Variants in KMT2E observed in about 807,000 individuals in gnomAD.
KMT2E encodes the protein histone reader KMT2E.
Under a neutral mutation model 184.6 loss-of-function variants are expected in KMT2E, and 30 were observed. The observed-to-expected ratio is 0.16, with a 90% confidence interval of 0.12 to 0.22. The LOEUF (loss-of-function observed/expected upper bound fraction) is 0.22. Among genes scored for constraint, KMT2E ranks in the 10% least tolerant of loss-of-function variants. KMT2E has a pLI of 1.00. For synonymous variants in KMT2E, 815 were observed against 776.5 expected, an observed-to-expected ratio of 1.05 and a Z score of -0.82; for missense variants, 2,023 against 2,237.4, an observed-to-expected ratio of 0.90 and a Z score of 1.93.
At chr7:105,049,900 TAAAGAAA>T (rs1253889065) in intron 3 of KMT2E, among the ~76,000 whole-genome samples, 1 of 151,818 alleles carries the variant, frequency 6.6e-6, no homozygotes, top group Non-Finnish European at 1.5e-5. Context: ...TCAAAAAAGA[TAAAGAAA>T]AAAGAAAAAT....
At position 105,077,188 on chromosome 7, in the gene KMT2E, G is replaced by A. The variant is rs561327721; in HGVS notation, c.994G>A (p.Val332Ile). Residue 332 changes from valine to isoleucine, a missense_variant, in exon 10 of 27, where the codon GTA becomes ATA. Physicochemically the swap from Val to Ile is conservative, Grantham distance 29. This residue lies in a region of KMT2E where 191 missense variants were observed against 209.0 expected (regional missense o/e 0.91). Transcript: ENST00000311117. ...CAACAATTTGCTCTTCAAACCTCCT[G>A]TAGAGGTAAATACATCATTTGTCCA... ...NTNNLLFKPP[V>I]ESHIQKNKKI... 3 of 1,612,326 alleles carry A rather than the reference G, an allele frequency of 1.9e-6. No homozygotes were observed. The highest frequency in any genetic ancestry group is 2.2e-5 in the East Asian group (1 of 44,804).
chr7:105,055,554 A>G (rs1379196811), intron 3 of KMT2E, among the ~76,000 whole-genome samples: 3 of 152,230 alleles, frequency 2.0e-5, no homozygotes, highest in African/African-American at 7.2e-5. Flanking sequence ...ATTAAAATGT[A>G]GATTTCTAAG....
At chr7:105,044,466 G>C (rs1179576403) in intron 3 of KMT2E, among the ~76,000 whole-genome samples, 1 of 152,162 alleles carries the variant, frequency 6.6e-6, no homozygotes, top group Non-Finnish European at 1.5e-5. Flanking sequence ...TGGGCACTGA[G>C]ACCCCAGAGT....
At position 105,113,363 on chromosome 7, in the gene KMT2E, T is replaced by G. The variant is rs1402892630; in HGVS notation, c.*30T>G. The G allele has an allele frequency of 1.9e-6, 3 of 1,582,900 alleles. No homozygotes were observed. In the Admixed American group the frequency reaches 5.2e-5, roughly 28 times the overall value. ...GACTCCAAAAACATTTTTTTAAATG[T>G]TCTGTAAGATAAACTGTATATTTCA... On this transcript the variant is annotated 3_prime_UTR_variant, in exon 27 of 27. Transcript: ENST00000311117.
At chr7:105,066,582 C>G in intron 5 of KMT2E, 145 bp from the exon 6 acceptor site, 1 of 564,436 alleles carries the variant, frequency 1.8e-6, no homozygotes, top group Non-Finnish European at 3.1e-6. Context: ...CTTGAAGACA[C>G]GTTTCTATGA....
chr7:105,073,557 C>T, intron 6 of KMT2E, 62 bp from the exon 7 acceptor site: 3 of 1,002,392 alleles, frequency 3.0e-6, no homozygotes, highest in Non-Finnish European at 3.0e-6. Context: ...AAAAGTTTAT[C>T]ACATTTAAGA....
At chr7:105,106,887 G>T (rs544259879) in intron 20 of KMT2E, 115 bp downstream of exon 20, 1 of 1,061,630 alleles carries the variant, frequency 9.4e-7, no homozygotes, top group South Asian at 1.6e-5. Context: ...AAAAAAGGTT[G>T]TAAGAAACTA....
Position 105,054,446 on chromosome 7 carries a change from C to CTCTGTCTGTCTA in KMT2E, c.72-7707_72-7706insATCTGTCTGTCT, listed in dbSNP as rs1295114305. 6.6e-4 allele frequency among the ~76,000 whole-genome samples: 71 copies of CTCTGTCTGTCTA among 107,590 alleles called. 2 individuals are homozygous for CTCTGTCTGTCTA. The highest frequency in any genetic ancestry group is 4.3e-3 in the Middle Eastern group (1 of 232). The allele number at this position is 107,590 out of a possible 152,430, so 70.6% of individuals were successfully genotyped here. A position where few individuals can be genotyped will look rare whatever the true frequency, so the allele number is the denominator to read the frequency against. ...AATTATTTGTTGTAAAAGCAAGTTGCTCTGTCTGTCTGTCTATCTATCTAT... is the reference window on the plus strand; with the variant it reads ...AATTATTTGTTGTAAAAGCAAGTTGCTCTGTCTGTCTATCTGTCTGTCTGTCTATCTATCTAT... On this transcript the variant is annotated intron_variant, in intron 3 of 26. Transcript: ENST00000311117.
chr7:105,082,366 C>G (rs1237733439), intron 13 of KMT2E, among the ~76,000 whole-genome samples: 1 of 152,188 alleles, frequency 6.6e-6, no homozygotes, highest in Non-Finnish European at 1.5e-5. Flanking sequence ...TTTTGACTCC[C>G]CAGAAACTTT....
At position 105,090,035 on chromosome 7, in the gene KMT2E, T is replaced by G; in HGVS notation, c.1385T>G (p.Leu462Arg). The G allele has an allele frequency of 1.2e-6, 2 of 1,613,216 alleles. No individual in the cohort carries two copies. Among genetic ancestry groups the G allele is most frequent in the Non-Finnish European group, 1.7e-6 (2 of 1,179,742 alleles). Residue 462 changes from leucine to arginine, a missense_variant, in exon 14 of 27, where the codon CTC (leucine) becomes CGC (arginine). Leu to Arg is a moderately radical substitution (Grantham distance 102). Transcript: ENST00000311117. ...NCKYKVDCAC[L>R]KENPECPVLK... ...AAGTACAAGGTGGACTGTGCATGCC[T>G]CAAAGAAAACCCAGAGTGCCCTGTT...
chr7:105,064,164 GTT>G (rs66946883), intron 5 of KMT2E: 3,145 of 75,892 alleles, frequency 0.041, 2 homozygotes, highest in South Asian at 0.089. Context: ...TTTTTTCTTG[GTT>G]TTTTTTTTTT....
intron 1 of KMT2E, among the ~76,000 whole-genome samples, chr7:105,035,814 C>T (rs1437735374): frequency 2.0e-5 from 3 of 152,142 alleles, no homozygotes; most frequent in Non-Finnish European, 4.4e-5. Context: ...CCACCTTGGC[C>T]TCCCAAAGTG....
intron 6 of KMT2E, among the ~76,000 whole-genome samples, chr7:105,068,760 C>T (rs1237158792): frequency 6.6e-6 from 1 of 151,486 alleles, no homozygotes; most frequent in African/African-American, 2.4e-5. Flanking sequence ...CAGGCGAGAG[C>T]CACCTTGCCC....
At chr7:105,028,225 G>A (rs998247947) in intron 1 of KMT2E, among the ~76,000 whole-genome samples, 1 of 151,370 alleles carries the variant, frequency 6.6e-6, no homozygotes, top group African/African-American at 2.4e-5. Context: ...CTGGAGTGCA[G>A]TGGTGTGATC....
chr7:105,105,356 C>A (rs1430622007), intron 17 of KMT2E, 83 bp from the exon 18 acceptor site: 2 of 1,012,314 alleles, frequency 2.0e-6, no homozygotes, highest in Non-Finnish European at 2.9e-6. Context: ...AGATAATACA[C>A]CAATTTCAAA....
chr7:105,097,934 G>A (rs578060720), intron 15 of KMT2E, among the ~76,000 whole-genome samples: 26 of 152,226 alleles, frequency 1.7e-4, no homozygotes, highest in Middle Eastern at 3.4e-3. Flanking sequence ...AAAAGCTTTC[G>A]TAGAGAATGG....
Position 105,113,489 on chromosome 7 carries a change from A to AT in KMT2E, c.*158dup. 1.2e-6 allele frequency: 1 copy of AT among 837,974 alleles called. No individual in the cohort carries two copies. The highest frequency in any genetic ancestry group is 1.7e-6 in the Non-Finnish European group (1 of 573,204). 51.9% of individuals were successfully genotyped at this position (837,974 alleles called of 1,614,324 possible). On this transcript the variant is annotated 3_prime_UTR_variant, in exon 27 of 27. Coordinates refer to ENST00000311117, the MANE Select transcript of KMT2E (RefSeq NM_182931.3). ...ATTTTTCTCATTTTTGCTTTTTAAA[A>AT]TTCCTTTAAAAAATGTGCTGTTAAG...
chr7:105,017,880 C>G (rs992462265), intron 1 of KMT2E, among the ~76,000 whole-genome samples: 2 of 151,976 alleles, frequency 1.3e-5, no homozygotes, highest in Admixed American at 6.6e-5. Context: ...CTCCATTTCC[C>G]GTCAACTCTG....
intron 3 of KMT2E, among the ~76,000 whole-genome samples, chr7:105,041,476 A>T (rs1795879792): frequency 6.6e-6 from 1 of 152,112 alleles, no homozygotes; most frequent in Non-Finnish European, 1.5e-5. Flanking sequence ...ATCTCAGCTC[A>T]TTGCAACCTC....
Sources: allele counts gnomAD v4.1 joint callset (sites outside exome capture counted in the v4.1 genomes callset), GRCh38; gene constraint gnomAD v4.1.1; regional missense constraint gnomAD v4.1.1; transcripts MANE v1.5; gene names NCBI Gene and HGNC (gene_info 2026-07-23, HGNC 2026-07-21).